SETBP1: variants seen among roughly 807,000 people sequenced by gnomAD.
SETBP1 encodes SET-binding protein.
Under a neutral mutation model 101.0 loss-of-function variants are expected in SETBP1, and 9 were observed. The ratio of observed to expected loss-of-function variants is 0.09; its 90% CI spans 0.05 to 0.16. SETBP1 has a LOEUF of 0.16. Ranked by LOEUF, SETBP1 falls within the 10% of genes least tolerant of loss-of-function variation. The probability of loss-of-function intolerance (pLI) is 1.00; values close to 1 mark genes in which losing one functional copy is unlikely to be tolerated. For missense variants in SETBP1, 1,858 were observed against 2,033.8 expected, an observed-to-expected ratio of 0.91 and a Z score of 1.66; for synonymous variants, 818 against 788.5, an observed-to-expected ratio of 1.04 and a Z score of -0.63.
At position 44,950,080 on chromosome 18, in the gene SETBP1, G is replaced by A; in HGVS notation, c.740G>A (p.Ser247Asn). 6.2e-7 allele frequency: 1 copy of A among 1,614,204 alleles called. No homozygotes were observed. Among genetic ancestry groups the A allele is most frequent in the Non-Finnish European group, 8.5e-7 (1 of 1,180,052 alleles). Reference sequence around the variant, plus strand: ...CCAGAGTCTGGCAGAGAAACTGCAAGCACCAGCAAGATCCCCGCTCTTGAG... The same window carrying A: ...CCAGAGTCTGGCAGAGAAACTGCAAACACCAGCAAGATCCCCGCTCTTGAG... ...ISPESGRETA[S>N]TSKIPALEPV... Residue 247 changes from serine to asparagine, a missense_variant, in exon 4 of 6, where the codon AGC (serine) becomes AAC (asparagine). This residue lies in a region of SETBP1 where 581 missense variants were observed against 535.1 expected (regional missense o/e 1.09). Coordinates refer to ENST00000649279, the MANE Select transcript of SETBP1 (RefSeq NM_015559.3).
chr18:44,936,686 A>G (rs536246546), intron 3 of SETBP1, among the ~76,000 whole-genome samples: 1 of 152,218 alleles, frequency 6.6e-6, no homozygotes, highest in East Asian at 1.9e-4. Context: ...GCCAGCCAAC[A>G]CAGAAAGGGA....
intron 3 of SETBP1, among the ~76,000 whole-genome samples, chr18:44,889,605 G>A (rs1386525344): frequency 6.6e-6 from 1 of 152,136 alleles, no homozygotes; most frequent in East Asian, 1.9e-4. Flanking sequence ...CCACCTGAAA[G>A]TGTTGACACT....
At chr18:44,839,630 A>G (rs2072575647) in intron 2 of SETBP1, among the ~76,000 whole-genome samples, 1 of 152,216 alleles carries the variant, frequency 6.6e-6, no homozygotes, top group African/African-American at 2.4e-5. Context: ...GCAGTATTAC[A>G]AAGTGTCCAG....
intron 2 of SETBP1, among the ~76,000 whole-genome samples, chr18:44,857,802 T>C (rs1300258084): frequency 1.3e-5 from 2 of 152,258 alleles, no homozygotes; most frequent in East Asian, 1.9e-4. Context: ...TGAAAGGATA[T>C]CTTATTTGGA....
At chr18:45,047,041 T>C (rs923490550) in intron 5 of SETBP1, among the ~76,000 whole-genome samples, 10 of 152,230 alleles carry the variant, frequency 6.6e-5, no homozygotes, top group Non-Finnish European at 1.2e-4. Flanking sequence ...TTATCTTCTC[T>C]GAATGCTTCA....
At chr18:44,930,861 A>G (rs1382024271) in intron 3 of SETBP1, among the ~76,000 whole-genome samples, 1 of 148,256 alleles carries the variant, frequency 6.7e-6, no homozygotes, top group Admixed American at 6.7e-5. Flanking sequence ...CAGTCTATCA[A>G]TTTTGTTGAT....
chr18:44,746,003 T>C (rs2070235823), intron 2 of SETBP1, among the ~76,000 whole-genome samples: 1 of 152,086 alleles, frequency 6.6e-6, no homozygotes, highest in African/African-American at 2.4e-5. Context: ...AGAGCTTGAA[T>C]TGGGGCAGGG....
intron 4 of SETBP1, among the ~76,000 whole-genome samples, chr18:45,027,998 TTTTTA>T (rs559651691): frequency 4.0e-4 from 61 of 152,142 alleles, no homozygotes; most frequent in African/African-American, 1.1e-3. Flanking sequence ...TTCTTTTTTC[TTTTTA>T]TTTTATTTTA....
At chr18:44,966,303 C>T (rs2071719610) in intron 4 of SETBP1, among the ~76,000 whole-genome samples, 1 of 152,114 alleles carries the variant, frequency 6.6e-6, no homozygotes, top group Non-Finnish European at 1.5e-5. Context: ...AAATCTCCTC[C>T]TTATCCTATA....
chr18:44,967,193 G>A (rs965846812), intron 4 of SETBP1, among the ~76,000 whole-genome samples: 5 of 152,156 alleles, frequency 3.3e-5, no homozygotes, highest in African/African-American at 4.8e-5. Flanking sequence ...GGATTATACC[G>A]TTATGGTGGA....
At chr18:45,020,082 T>G (rs2073025763) in intron 4 of SETBP1, among the ~76,000 whole-genome samples, 1 of 151,846 alleles carries the variant, frequency 6.6e-6, no homozygotes, top group Non-Finnish European at 1.5e-5. Context: ...GATTTAAAGT[T>G]ACTCATATAA....
intron 4 of SETBP1, among the ~76,000 whole-genome samples, chr18:44,985,132 C>T (rs574923462): frequency 8.5e-5 from 13 of 152,214 alleles, no homozygotes; most frequent in South Asian, 2.1e-4. Context: ...CAGAGACTGT[C>T]GCCTTTTGAA....
chr18:44,692,466 G>T (rs2068950519), intron 1 of SETBP1, among the ~76,000 whole-genome samples: 1 of 152,174 alleles, frequency 6.6e-6, no homozygotes, highest in Non-Finnish European at 1.5e-5. Flanking sequence ...GAGAAACATG[G>T]CTTGAACACT....
In SETBP1 at chr18:45,067,907, G is replaced by T. The variant is rs1270671193; in HGVS notation, c.*4209G>T. ...AAGGAGCTGCCAACTGGTCAACGTG[G>T]AAGGGCGGTTCCACCCTAGATTGGT... On this transcript the variant is annotated 3_prime_UTR_variant, in exon 6 of 6. Coordinates refer to ENST00000649279, the MANE Select transcript of SETBP1 (RefSeq NM_015559.3). 1 of 152,114 alleles carries T rather than the reference G, an allele frequency of 6.6e-6. No individual in the cohort carries two copies. Among genetic ancestry groups the T allele is most frequent in the East Asian group, 1.9e-4 (1 of 5,190 alleles). 9.4% of individuals were successfully genotyped at this position (152,114 alleles called of 1,614,324 possible). A position where few individuals can be genotyped will look rare whatever the true frequency, so the allele number is the denominator to read the frequency against.
chr18:44,742,341 C>T (rs2070117772), intron 2 of SETBP1, among the ~76,000 whole-genome samples: 1 of 152,210 alleles, frequency 6.6e-6, no homozygotes, highest in African/African-American at 2.4e-5. Context: ...TACTGACCAT[C>T]TCAGTCTGAG....
intron 3 of SETBP1, among the ~76,000 whole-genome samples, chr18:44,932,760 C>T (rs777782278): frequency 5.9e-5 from 9 of 152,174 alleles, no homozygotes; most frequent in African/African-American, 1.9e-4. Context: ...GCATGCATCA[C>T]GTAGTTCTCG....
At chr18:44,808,331 C>A (rs1485122878) in intron 2 of SETBP1, among the ~76,000 whole-genome samples, 26 of 152,166 alleles carry the variant, frequency 1.7e-4, no homozygotes, top group Admixed American at 1.7e-3. Flanking sequence ...CCCTGAGCAT[C>A]CACAGCAGAA....
rs925017773 is a variant in SETBP1, at chr18:44,821,887, C to G, written c.487-47343C>G. ...CTTGTGTGCTGTCCGTAGCTAGGAA[C>G]GCCTGCTGTCAAGAGCTGTACCCCA... is the stretch of plus-strand genomic sequence containing the variant. On this transcript the variant is annotated intron_variant, in intron 2 of 5. Transcript: ENST00000649279. 2.0e-5 allele frequency among the ~76,000 whole-genome samples: 3 copies of G among 152,322 alleles called. No homozygotes were observed. The South Asian group carries it at 6.2e-4, about 32-fold the overall frequency.
At chr18:44,724,514 G>T (rs1365848704) in intron 2 of SETBP1, among the ~76,000 whole-genome samples, 1 of 152,154 alleles carries the variant, frequency 6.6e-6, no homozygotes, top group Non-Finnish European at 1.5e-5. Context: ...CATCCACTGT[G>T]ATATGTTAAT....
Sources: gnomAD v4.1 joint callset for allele counts (sites outside exome capture counted in the v4.1 genomes callset) on GRCh38, gnomAD v4.1.1 for gene constraint, gnomAD v4.1.1 regional missense constraint, MANE v1.5 for transcripts, NCBI Gene and HGNC (gene_info 2026-07-23, HGNC 2026-07-21) for gene names.